Variants in NETO1 observed in about 807,000 individuals in gnomAD.
NETO1 encodes neuropilin and tolloid-like protein 1.
In NETO1, 26 loss-of-function variants were observed where a neutral mutation model predicts 61.3. That is an observed-to-expected ratio of 0.42 (90% confidence interval 0.31 to 0.59). The LOEUF (loss-of-function observed/expected upper bound fraction) is 0.59. NETO1 is among the 20% of genes least tolerant of loss of function. NETO1 has a pLI of 0.12. For synonymous variants in NETO1, 225 were observed against 225.8 expected (o/e 1.00, Z 0.03); for missense variants, 531 against 662.8 (o/e 0.80, Z 2.18).
chr18:72,838,627 T>C (rs1344723919), intron 4 of NETO1, among the ~76,000 whole-genome samples: 1 of 152,226 alleles, frequency 6.6e-6, no homozygotes. Flanking sequence ...TTTGCTTGTA[T>C]GCTTCTAAAC....
At chr18:72,755,994 G>A (rs1172641028) in intron 8 of NETO1, 40 bp downstream of exon 8, 2 of 1,089,736 alleles carry the variant, frequency 1.8e-6, no homozygotes, top group Non-Finnish European at 2.8e-6. Context: ...CCACTCCACA[G>A]GGAGGAAATT....
At chr18:72,821,308 CGAG>C (rs1375339507) in intron 4 of NETO1, among the ~76,000 whole-genome samples, 1 of 146,076 alleles carries the variant, frequency 6.8e-6, no homozygotes, top group African/African-American at 2.6e-5. Flanking sequence ...ATTGGGAGGA[CGAG>C]GTGGGCGGAT....
chr18:72,844,778 GT>G (rs923472414), intron 4 of NETO1, among the ~76,000 whole-genome samples: 5 of 152,084 alleles, frequency 3.3e-5, no homozygotes, highest in Non-Finnish European at 5.9e-5. Context: ...GGTTTTGTTT[GT>G]TTTTTTGTTT....
intron 4 of NETO1, among the ~76,000 whole-genome samples, chr18:72,842,268 A>C (rs921550683): frequency 6.6e-6 from 1 of 152,228 alleles, no homozygotes; most frequent in Non-Finnish European, 1.5e-5. Flanking sequence ...TGAGGGAATT[A>C]TTTTCCTGTT....
chr18:72,860,746 C>CTT (rs5826214), intron 3 of NETO1, among the ~76,000 whole-genome samples: 14 of 148,206 alleles, frequency 9.4e-5, no homozygotes, highest in Non-Finnish European at 1.5e-5. Context: ...TTTTTCTTTT[C>CTT]TTTTTTTTGG....
At chr18:72,795,469 T>C (rs1358068984) in intron 4 of NETO1, among the ~76,000 whole-genome samples, 1 of 152,204 alleles carries the variant, frequency 6.6e-6, no homozygotes, top group East Asian at 1.9e-4. Flanking sequence ...TTGATGCACA[T>C]ATATTCCTAT....
At chr18:72,866,940 C>T (rs1302122888) in intron 1 of NETO1, 1 of 424,982 alleles carries the variant, frequency 2.4e-6, no homozygotes, top group African/African-American at 2.1e-5. Context: ...CTCCCGCTTT[C>T]CACCTGCGCC....
In NETO1 at chr18:72,864,950, T is replaced by TAA; in HGVS notation, c.83-7_83-6dup. The TAA allele has an allele frequency of 1.5e-5, 22 of 1,456,356 alleles. No homozygotes were observed. The highest frequency in any genetic ancestry group is 7.0e-5 in the Admixed American group (3 of 42,724). 90.2% of individuals were successfully genotyped at this position (1,456,356 alleles called of 1,614,324 possible). A position where few individuals can be genotyped will look rare whatever the true frequency, so the allele number is the denominator to read the frequency against. ...TTTCTGAGGTGGTTTGCTTTTCTGT[T>TAA]AAAAAAAAAAAAAAGTTTTAAAAAG... On this transcript the variant is annotated splice_polypyrimidine_tract_variant and splice_region_variant and intron_variant, in intron 2 of 10. Transcript: ENST00000327305.
In NETO1 at chr18:72,772,823, CTCTATATATATATATA is replaced by C. The variant is rs1170680955; in HGVS notation, c.868+10839_868+10854del. Reference sequence around the variant, plus strand: ...TCTCTCTCTCTCTCTCTCTCTCTCTCTCTATATATATATATATATATATATATATATATATATATAT... The same window carrying C: ...TCTCTCTCTCTCTCTCTCTCTCTCTCTATATATATATATATATATATATAT... On this transcript the variant is annotated intron_variant, in intron 7 of 10. Coordinates refer to ENST00000327305, the MANE Select transcript of NETO1 (RefSeq NM_138966.5). Among the ~76,000 whole-genome samples, 182 of 38,772 alleles carry C rather than the reference CTCTATATATATATATA, an allele frequency of 4.7e-3. 1 individual carries two copies. The highest frequency in any genetic ancestry group is 5.5e-3 in the Admixed American group (16 of 2,934). The allele number at this position is 38,772 out of a possible 152,430, so 25.4% of individuals were successfully genotyped here. A position where few individuals can be genotyped will look rare whatever the true frequency, so the allele number is the denominator to read the frequency against.
intron 7 of NETO1, among the ~76,000 whole-genome samples, chr18:72,780,458 T>C (rs1296823424): frequency 6.6e-6 from 1 of 152,232 alleles, no homozygotes; most frequent in Non-Finnish European, 1.5e-5. Context: ...TCACCATTTC[T>C]TATCTATGCA....
At chr18:72,821,370 C>T (rs1351326647) in intron 4 of NETO1, among the ~76,000 whole-genome samples, 1 of 150,876 alleles carries the variant, frequency 6.6e-6, no homozygotes, top group Non-Finnish European at 1.5e-5. Flanking sequence ...CGGAGAAACC[C>T]CATCTCTACT....
intron 4 of NETO1, among the ~76,000 whole-genome samples, chr18:72,841,424 A>AT (rs58071212): frequency 3.3e-5 from 5 of 151,494 alleles, no homozygotes; most frequent in Non-Finnish European, 7.4e-5. Context: ...CAATTGGCAG[A>AT]GAAATCAAGC....
intron 7 of NETO1, among the ~76,000 whole-genome samples, chr18:72,779,224 C>G (rs996171979): frequency 6.6e-6 from 1 of 151,672 alleles, no homozygotes; most frequent in African/African-American, 2.4e-5. Flanking sequence ...ACTATATATA[C>G]ATCTATAAGG....
At chr18:72,859,855 C>T (rs1242504844) in intron 3 of NETO1, among the ~76,000 whole-genome samples, 1 of 151,888 alleles carries the variant, frequency 6.6e-6, no homozygotes, top group African/African-American at 2.4e-5. Flanking sequence ...TAAATCTGAT[C>T]TTGAAAGACA....
At chr18:72,759,748 C>T (rs1252115211) in intron 7 of NETO1, among the ~76,000 whole-genome samples, 2 of 152,166 alleles carry the variant, frequency 1.3e-5, no homozygotes, top group African/African-American at 2.4e-5. Flanking sequence ...TATTCCTCGA[C>T]CAATTTACAT....
chr18:72,840,504 C>T (rs1203488061), intron 4 of NETO1, among the ~76,000 whole-genome samples: 1 of 152,124 alleles, frequency 6.6e-6, no homozygotes, highest in African/African-American at 2.4e-5. Flanking sequence ...ACGATATGAG[C>T]AATAGGAGGG....
chr18:72,865,338 G>A, intron 1 of NETO1, 97 bp from the exon 2 acceptor site: 2 of 1,236,456 alleles, frequency 1.6e-6, no homozygotes, highest in South Asian at 1.4e-5. Context: ...TATCAAAGCA[G>A]ATTAATTTTT....
chr18:72,780,259 C>G (rs1008721733), intron 7 of NETO1, among the ~76,000 whole-genome samples: 1 of 152,056 alleles, frequency 6.6e-6, no homozygotes, highest in Non-Finnish European at 1.5e-5. Flanking sequence ...ATTATTTGTC[C>G]ACTGTGAAAG....
At chr18:72,794,051 A>C in intron 6 of NETO1, 66 bp downstream of exon 6, 1 of 1,603,468 alleles carries the variant, frequency 6.2e-7, no homozygotes, top group Non-Finnish European at 8.5e-7. Flanking sequence ...GTTGCTTCAA[A>C]GCAATGCTTG....
Sources: allele counts gnomAD v4.1 joint callset (sites outside exome capture counted in the v4.1 genomes callset), GRCh38; gene constraint gnomAD v4.1.1; transcripts MANE v1.5; gene names NCBI Gene and HGNC (gene_info 2026-07-23, HGNC 2026-07-21).